The following ESYT2 variants were observed in gnomAD, a reference collection of about 807,000 sequenced individuals.
ESYT2 encodes the protein extended synaptotagmin-2.
A neutral mutation model predicts 107.2 loss-of-function variants in ESYT2; 54 were observed. That is an observed-to-expected ratio of 0.50 (90% confidence interval 0.40 to 0.63). The LOEUF (loss-of-function observed/expected upper bound fraction) is 0.63. ESYT2 is among the 30% of genes least tolerant of loss of function. The pLI, the probability that ESYT2 is intolerant of heterozygous loss-of-function variation, is 0.00. For synonymous variants in ESYT2, 491 were observed against 434.1 expected (o/e 1.13, Z -1.63); for missense variants, 1,020 against 1,094.5 (o/e 0.93, Z 0.96).
At chr7:158,797,349 T>A (rs1173252746) in intron 3 of ESYT2, among the ~76,000 whole-genome samples, 1 of 151,968 alleles carries the variant, frequency 6.6e-6, no homozygotes, top group African/African-American at 2.4e-5. Flanking sequence ...GAGTCCCACT[T>A]TGTTGCCCAG....
chr7:158,802,698 G>A (rs891727112), intron 1 of ESYT2, among the ~76,000 whole-genome samples: 3 of 152,192 alleles, frequency 2.0e-5, no homozygotes, highest in African/African-American at 4.8e-5. Flanking sequence ...TATCAATTCT[G>A]CTGACTCATT....
chr7:158,809,251 G>A (rs1839921856), intron 1 of ESYT2, among the ~76,000 whole-genome samples: 1 of 151,968 alleles, frequency 6.6e-6, no homozygotes, highest in Non-Finnish European at 1.5e-5. Flanking sequence ...GCCAAGGCGG[G>A]CGGATCACAA....
chr7:158,826,373 G>A (rs975270166), intron 1 of ESYT2, among the ~76,000 whole-genome samples: 1 of 152,148 alleles, frequency 6.6e-6, no homozygotes, highest in Non-Finnish European at 1.5e-5. Flanking sequence ...GTGGGATTAT[G>A]AGCTCAAGTA....
At position 158,804,490 on chromosome 7, in the gene ESYT2, G is replaced by A. The variant is rs10257282; in HGVS notation, c.331-5418C>T. On this transcript the variant is annotated intron_variant, in intron 1 of 22. Coordinates refer to ENST00000275418, the MANE Select transcript of ESYT2 (RefSeq NM_001367773.1). ...CCCAAACTGCCGAGAAGGGTGAGGC[G>A]CGTGACAAACCCAAACTGCTGAGAA... 1.4e-3 allele frequency among the ~76,000 whole-genome samples: 208 copies of A among 147,084 alleles called. 3 individuals carry two copies. Among genetic ancestry groups the A allele is most frequent in the Middle Eastern group, 7.6e-3 (2 of 264 alleles).
intron 1 of ESYT2, among the ~76,000 whole-genome samples, chr7:158,828,217 A>AG (rs1227628193): frequency 6.6e-6 from 1 of 152,256 alleles, no homozygotes; most frequent in East Asian, 1.9e-4. Context: ...CCAAGACACG[A>AG]GTGCGTCTTC....
intron 6 of ESYT2, among the ~76,000 whole-genome samples, chr7:158,784,376 C>A (rs1003171387): frequency 6.6e-6 from 1 of 152,208 alleles, no homozygotes; most frequent in Non-Finnish European, 1.5e-5. Context: ...CCTCCTACCC[C>A]CAGCTGGTCC....
At chr7:158,757,754 GTTT>G (rs67853250) in intron 13 of ESYT2, among the ~76,000 whole-genome samples, 71 of 76,504 alleles carry the variant, frequency 9.3e-4, no homozygotes, top group Admixed American at 4.8e-3. Context: ...GTCTCTCTGG[GTTT>G]TTTTTTTTTT....
intron 16 of ESYT2, among the ~76,000 whole-genome samples, chr7:158,744,541 A>T (rs977282776): frequency 1.3e-5 from 2 of 152,312 alleles, no homozygotes; most frequent in African/African-American, 4.8e-5. Context: ...AAAATTTTTT[A>T]AAAAACAGAG....
At chr7:158,804,878 A>G (rs1839780268) in intron 1 of ESYT2, among the ~76,000 whole-genome samples, 1 of 152,216 alleles carries the variant, frequency 6.6e-6, no homozygotes, top group African/African-American at 2.4e-5. Context: ...GCTTTCCAAG[A>G]AAGCTGGTGT....
At chr7:158,772,030 G>C (rs1467307885) in intron 7 of ESYT2, among the ~76,000 whole-genome samples, 1 of 151,884 alleles carries the variant, frequency 6.6e-6, no homozygotes, top group African/African-American at 2.4e-5. Flanking sequence ...CTGAGGCAGG[G>C]AGAATTGCTT....
intron 6 of ESYT2, among the ~76,000 whole-genome samples, chr7:158,776,267 A>G (rs1460457295): frequency 1.3e-5 from 2 of 152,184 alleles, no homozygotes; most frequent in Admixed American, 6.5e-5. Context: ...ACTTAAAGTC[A>G]CCACCTGCAT....
At chr7:158,756,292 C>A (rs956768707) in intron 13 of ESYT2, among the ~76,000 whole-genome samples, 26 of 152,278 alleles carry the variant, frequency 1.7e-4, no homozygotes, top group South Asian at 4.1e-4. Context: ...CAGGTGAAAA[C>A]GGCTCTCTAC....
At chr7:158,782,253 GAAC>G (rs1838888051) in intron 6 of ESYT2, among the ~76,000 whole-genome samples, 2 of 148,824 alleles carry the variant, frequency 1.3e-5, no homozygotes, top group African/African-American at 2.5e-5. Flanking sequence ...GAGAATGAGT[GAAC>G]AAGTATGAGT....
At position 158,829,079 on chromosome 7, in the gene ESYT2, C is replaced by T. The variant is rs1840550194; in HGVS notation, c.330+10G>A. 1 of 1,583,626 alleles carries T rather than the reference C, an allele frequency of 6.3e-7. No individual in the cohort carries two copies. Among genetic ancestry groups the T allele is most frequent in the African/African-American group, 1.4e-5 (1 of 72,746 alleles). ...GTCAGGGGTCGGGACGGGCAGGGGT[C>T]TGCACTCACCCAGGCGGGCAGGTCG... On this transcript the variant is annotated intron_variant, in intron 1 of 22. Transcript: ENST00000275418.
intron 21 of ESYT2, 114 bp downstream of exon 21, chr7:158,735,389 A>G: frequency 1.3e-6 from 1 of 753,966 alleles, no homozygotes; most frequent in South Asian, 1.8e-5. Flanking sequence ...ACAAGCATCG[A>G]CCTCGTAAGT....
chr7:158,742,843 G>T (rs1299852332), intron 17 of ESYT2, among the ~76,000 whole-genome samples: 6 of 152,224 alleles, frequency 3.9e-5, no homozygotes, highest in Non-Finnish European at 7.3e-5. Flanking sequence ...AAAGGCCAAG[G>T]AGCCTTCAGA....
At chr7:158,789,399 G>A (rs972480893) in intron 4 of ESYT2, among the ~76,000 whole-genome samples, 15 of 151,652 alleles carry the variant, frequency 9.9e-5, no homozygotes, top group African/African-American at 3.6e-4. Context: ...CTCTGTTGCC[G>A]AGGCTGGAGT....
In ESYT2 at chr7:158,735,563, G is replaced by T. The variant is rs34974906; in HGVS notation, c.2445C>A (p.Leu815=). 1.9e-6 allele frequency: 3 copies of T among 1,613,090 alleles called. No homozygotes were observed. In the South Asian group the frequency reaches 3.3e-5, roughly 18 times the overall value. Reference sequence around the variant, plus strand: ...CGCCACTGTTCTTCACGGCAACGTCGAGCGTTCTCCTCTGCACTTCTGGTA... The same window carrying T: ...CGCCACTGTTCTTCACGGCAACGTCTAGCGTTCTCCTCTGCACTTCTGGTA... ...VSLPEVQRRT[L]DVAVKNSGGF... Residue 815 remains leucine (L), a synonymous_variant, in exon 21 of 23, where the codon CTC becomes CTA. Coordinates refer to ENST00000275418, the MANE Select transcript of ESYT2 (RefSeq NM_001367773.1).
chr7:158,806,132 G>GCGCTGGCACACAA (rs71200064), intron 1 of ESYT2, among the ~76,000 whole-genome samples: 3 of 147,510 alleles, frequency 2.0e-5, no homozygotes, highest in South Asian at 2.1e-4. Flanking sequence ...CGCGTGGGAG[G>GCGCTGGCACACAA]TGCCGGGGCA....
Sources: allele counts gnomAD v4.1 joint callset (sites outside exome capture counted in the v4.1 genomes callset), GRCh38; gene constraint gnomAD v4.1.1; transcripts MANE v1.5; gene names NCBI Gene and HGNC (gene_info 2026-07-23, HGNC 2026-07-21).